Variants in NOVA2 observed in about 807,000 individuals in gnomAD.
The protein encoded by NOVA2 is NOVA alternative splicing regulator 2.
Under a neutral mutation model 22.5 loss-of-function variants are expected in NOVA2, and 9 were observed. The ratio of observed to expected loss-of-function variants is 0.40; its 90% CI spans 0.24 to 0.70. NOVA2 has a LOEUF of 0.70. Among genes scored for constraint, NOVA2 ranks in the 30% least tolerant of loss-of-function variants. NOVA2 has a pLI of 0.38. For missense variants in NOVA2, 383 were observed against 682.8 expected, an observed-to-expected ratio of 0.56 and a Z score of 4.89; for synonymous variants, 318 against 335.2, an observed-to-expected ratio of 0.95 and a Z score of 0.56.
At chr19:45,965,768 T>C (rs987569344) in intron 1 of NOVA2, among the ~76,000 whole-genome samples, 1 of 152,160 alleles carries the variant, frequency 6.6e-6, no homozygotes, top group Non-Finnish European at 1.5e-5. Flanking sequence ...TGATGGGCTC[T>C]ATGCCCTTGG....
chr19:45,961,723 G>T (rs1170895269), intron 1 of NOVA2, among the ~76,000 whole-genome samples: 1 of 152,186 alleles, frequency 6.6e-6, no homozygotes, highest in Non-Finnish European at 1.5e-5. Flanking sequence ...CCATCATACA[G>T]ATGAGGAAAC....
rs967781168 is a variant in NOVA2 at position 45,937,750 on chromosome 19, G to C, written c.*2113C>G. ...AGGGCATGGAAAAAGTCACCCCAGT[G>C]CCCAAGTTACAGCCTCCCATCGGGT... On this transcript the variant is annotated 3_prime_UTR_variant, in exon 4 of 4. Transcript: ENST00000263257. 13 of 152,192 alleles carry C rather than the reference G, an allele frequency of 8.5e-5. No homozygotes were observed. Among genetic ancestry groups the C allele is most frequent in the African/African-American group, 3.1e-4 (13 of 41,442 alleles). The allele number at this position is 152,192 out of a possible 1,614,324, so 9.4% of individuals were successfully genotyped here.
chr19:45,949,404 C>G (rs1259483287), intron 3 of NOVA2, among the ~76,000 whole-genome samples: 5 of 151,586 alleles, frequency 3.3e-5, no homozygotes, highest in Admixed American at 2.6e-4. Context: ...CAACCACAAC[C>G]AGGAGTGGTA....
intron 3 of NOVA2, among the ~76,000 whole-genome samples, chr19:45,946,231 G>A (rs529604032): frequency 3.4e-4 from 52 of 152,244 alleles, no homozygotes; most frequent in African/African-American, 1.2e-3. Flanking sequence ...GAGCCCAAGA[G>A]GTGGAGGTTG....
At chr19:45,973,205 A>G in intron 1 of NOVA2, 62 bp downstream of exon 1, 1 of 863,818 alleles carries the variant, frequency 1.2e-6, no homozygotes, top group Non-Finnish European at 1.6e-6. Flanking sequence ...AGGGGGGGAA[A>G]GGATGGAGAA....
intron 1 of NOVA2, among the ~76,000 whole-genome samples, chr19:45,970,073 A>G (rs1260673847): frequency 1.3e-5 from 2 of 152,312 alleles, no homozygotes; most frequent in East Asian, 1.9e-4. Context: ...CTAAGTTCAC[A>G]TCATGGTTCT....
chr19:45,973,374 T>C lies in NOVA2; in HGVS notation c.-23A>G. ...CATGGGGGGGGCCTGGGGCGGCGGC[T>C]GCTGCTGCTGCGGCGGCTGCGGCGG... On this transcript the variant is annotated 5_prime_UTR_variant, in exon 1 of 4. Coordinates refer to ENST00000263257, the MANE Select transcript of NOVA2 (RefSeq NM_002516.4). 2 of 763,634 alleles carry C rather than the reference T, an allele frequency of 2.6e-6. No individual in the cohort carries two copies. Among genetic ancestry groups the C allele is most frequent in the Non-Finnish European group, 1.7e-6 (1 of 581,836 alleles). The allele number at this position is 763,634 out of a possible 1,614,324, so 47.3% of individuals were successfully genotyped here. A position where few individuals can be genotyped will look rare whatever the true frequency, so the allele number is the denominator to read the frequency against.
chr19:45,964,080 G>A lies in NOVA2; in HGVS notation c.86-2927C>T, dbSNP rs548681548. ...CTGGGAAAAGAAAGGGAGGAGTTAG[G>A]CCATCCTGCTTCCAAATTTTAAGGT... On this transcript the variant is annotated intron_variant, in intron 1 of 3. Transcript: ENST00000263257. 2.6e-5 allele frequency among the ~76,000 whole-genome samples: 4 copies of A among 152,130 alleles called. No homozygotes were observed. In the East Asian group the frequency reaches 7.7e-4, roughly 29 times the overall value.
intron 3 of NOVA2, among the ~76,000 whole-genome samples, chr19:45,949,339 A>C (rs1031584840): frequency 3.1e-5 from 4 of 129,506 alleles, no homozygotes; most frequent in Non-Finnish European, 7.1e-5. Flanking sequence ...AAAAAAAAAA[A>C]ACACCAGGAA....
At position 45,973,347 on chromosome 19, in the gene NOVA2, TC is replaced by T; in HGVS notation, c.4del (p.Glu2SerfsTer34). MEPEAPDSRKRP... is the reference protein window; with the variant it reads MXPEAPDSRKRP... ...CTTGCGGGAATCCGGGGCCTCGGGC[TC>T]CATGGGGGGGGCCTGGGGCGGCGGC... On this transcript the variant is annotated frameshift_variant, in exon 1 of 4. Transcript: ENST00000263257. LOFTEE classifies it high-confidence loss of function. 1 of 1,114,956 alleles carries T rather than the reference TC, an allele frequency of 9.0e-7. No individual in the cohort carries two copies. 69.1% of individuals were successfully genotyped at this position (1,114,956 alleles called of 1,614,324 possible).
At chr19:45,957,478 G>A (rs1179317059) in intron 2 of NOVA2, among the ~76,000 whole-genome samples, 1 of 151,486 alleles carries the variant, frequency 6.6e-6, no homozygotes, top group Non-Finnish European at 1.5e-5. Context: ...GGCGGAGGTT[G>A]CAGTGAGCCG....
At chr19:45,943,768 C>T (rs1967796938) in intron 3 of NOVA2, among the ~76,000 whole-genome samples, 1 of 149,210 alleles carries the variant, frequency 6.7e-6, no homozygotes, top group Non-Finnish European at 1.5e-5. Context: ...ACAGTGAGAC[C>T]CTATCCCCCC....
chr19:45,962,045 A>T (rs572910767), intron 1 of NOVA2, among the ~76,000 whole-genome samples: 1 of 152,130 alleles, frequency 6.6e-6, no homozygotes, highest in African/African-American at 2.4e-5. Context: ...TTTTACCCCA[A>T]GTGAGATGGA....
rs1425266982 is a variant in NOVA2 at position 45,940,765 on chromosome 19, C to T, written c.577G>A (p.Val193Met). ...SGEPEQVHKA[V>M]SAIVQKVQED... ...TGTACCTTCTGCACGATGGCGCTCACGGCCTTGTGCACCTGCTCGGGCTCG... is the reference window on the plus strand; with the variant it reads ...TGTACCTTCTGCACGATGGCGCTCATGGCCTTGTGCACCTGCTCGGGCTCG... Residue 193 changes from valine (V) to methionine (M), a missense_variant, in exon 4 of 4, where the codon GTG becomes ATG. By Grantham distance (21) the Val-to-Met change is conservative (BLOSUM62 1). Coordinates refer to ENST00000263257, the MANE Select transcript of NOVA2 (RefSeq NM_002516.4). 1 of 1,609,050 alleles carries T rather than the reference C, an allele frequency of 6.2e-7. No individual in the cohort carries two copies. Among genetic ancestry groups the T allele is most frequent in the Non-Finnish European group, 8.5e-7 (1 of 1,179,922 alleles).
chr19:45,942,118 C>T (rs1967769257), intron 3 of NOVA2, among the ~76,000 whole-genome samples: 2 of 152,166 alleles, frequency 1.3e-5, no homozygotes, highest in African/African-American at 4.8e-5. Context: ...CATTGTGCTC[C>T]CCTAGACATG....
chr19:45,940,209 C>CCCCCTCCGCCCG lies in NOVA2; in HGVS notation c.1121_1132dup (p.Ala374_Gly377dup). The stretch of plus-strand genomic sequence containing the variant: ...GGCTGCAGCGGCCACCAGCGGGCCG[C>CCCCCTCCGCCCG]CCCCTCCGCCCGCCCCGCCGCCCGC... On this transcript the variant is annotated inframe_insertion, in exon 4 of 4. Transcript: ENST00000263257. 1 of 1,194,994 alleles carries CCCCCTCCGCCCG rather than the reference C, an allele frequency of 8.4e-7. No individual in the cohort carries two copies. The highest frequency in any genetic ancestry group is 3.9e-5 in the East Asian group (1 of 25,816). 74.0% of individuals were successfully genotyped at this position (1,194,994 alleles called of 1,614,324 possible).
chr19:45,953,070 T>C (rs1222888253), intron 3 of NOVA2, among the ~76,000 whole-genome samples: 1 of 152,180 alleles, frequency 6.6e-6, no homozygotes, highest in Admixed American at 6.5e-5. Flanking sequence ...AGCCCCGCGT[T>C]TCCGTTCCCT....
intron 3 of NOVA2, among the ~76,000 whole-genome samples, chr19:45,946,904 TTG>T (rs1568663445): frequency 6.6e-6 from 1 of 151,132 alleles, no homozygotes; most frequent in African/African-American, 2.4e-5. Flanking sequence ...ACAACAAAAA[TTG>T]TGTGTGCGCA....
chr19:45,964,797 G>A (rs1392674437), intron 1 of NOVA2, among the ~76,000 whole-genome samples: 1 of 152,126 alleles, frequency 6.6e-6, no homozygotes, highest in Non-Finnish European at 1.5e-5. Context: ...CTGAGCTCAA[G>A]GGATCCAACT....
Sources: gnomAD v4.1 joint callset for allele counts (sites outside exome capture counted in the v4.1 genomes callset) on GRCh38, gnomAD v4.1.1 for gene constraint, MANE v1.5 for transcripts, NCBI Gene and HGNC (gene_info 2026-07-23, HGNC 2026-07-21) for gene names.